The following MLLT3 variants were observed in gnomAD, a reference collection of about 807,000 sequenced individuals.
MLLT3 encodes protein AF-9.
Under a neutral mutation model 53.2 loss-of-function variants are expected in MLLT3, and 4 were observed. That is an observed-to-expected ratio of 0.08 (90% confidence interval 0.04 to 0.17). MLLT3 has a LOEUF of 0.17. MLLT3 is among the 10% of genes least tolerant of loss of function. MLLT3 has a pLI of 1.00. For missense variants in MLLT3, 569 were observed against 684.0 expected (o/e 0.83, Z 1.87); for synonymous variants, 283 against 230.6 (o/e 1.23, Z -2.06).
intron 4 of MLLT3, among the ~76,000 whole-genome samples, chr9:20,440,366 T>A (rs1344423737): frequency 1.3e-5 from 2 of 152,112 alleles, no homozygotes; most frequent in African/African-American, 4.8e-5. Flanking sequence ...CTACTTCGAG[T>A]CTCAGACATT....
intron 2 of MLLT3, among the ~76,000 whole-genome samples, chr9:20,594,573 C>A (rs1820205828): frequency 6.6e-6 from 1 of 151,964 alleles, no homozygotes; most frequent in African/African-American, 2.4e-5. Context: ...GGCTACATTC[C>A]CAGAAGATTA....
At chr9:20,367,476 C>T (rs965375787) in intron 5 of MLLT3, among the ~76,000 whole-genome samples, 1 of 152,162 alleles carries the variant, frequency 6.6e-6, no homozygotes, top group Admixed American at 6.5e-5. Flanking sequence ...AAAGACGGTA[C>T]ATTAGGCCCT....
At chr9:20,430,249 CCA>C (rs917685470) in intron 4 of MLLT3, among the ~76,000 whole-genome samples, 1 of 152,072 alleles carries the variant, frequency 6.6e-6, no homozygotes, top group Non-Finnish European at 1.5e-5. Context: ...TATTCTTCAA[CCA>C]CAGATTCAAT....
chr9:20,525,218 C>T (rs908595817), intron 2 of MLLT3, among the ~76,000 whole-genome samples: 12 of 152,000 alleles, frequency 7.9e-5, no homozygotes, highest in African/African-American at 2.7e-4. Flanking sequence ...AATTCAAGGC[C>T]GGGCACAGTG....
intron 4 of MLLT3, among the ~76,000 whole-genome samples, chr9:20,425,041 T>C (rs1016920571): frequency 3.3e-5 from 5 of 152,146 alleles, no homozygotes; most frequent in African/African-American, 1.2e-4. Flanking sequence ...CACAATGTTA[T>C]CAACCCTTAC....
chr9:20,515,607 TTTTTG>T lies in MLLT3; in HGVS notation c.194-58826_194-58822del, dbSNP rs549960460. On this transcript the variant is annotated intron_variant, in intron 2 of 10. Coordinates refer to ENST00000380338, the MANE Select transcript of MLLT3 (RefSeq NM_004529.4). ...TTTCTCCCCATACTCACCGTTTTGTTTTTTGTTTTGTTTTTTCTTTTTGGCAAAAT... is the reference window on the plus strand; with the variant it reads ...TTTCTCCCCATACTCACCGTTTTGTTTTTTGTTTTTTCTTTTTGGCAAAAT... 1.1e-4 allele frequency among the ~76,000 whole-genome samples: 17 copies of T among 152,266 alleles called. No homozygotes were observed. The South Asian group carries it at 3.3e-3, about 30-fold the overall frequency.
Position 20,474,559 on chromosome 9 carries a change from C to T in MLLT3, c.194-17773G>A, listed in dbSNP as rs187128111. On this transcript the variant is annotated intron_variant, in intron 2 of 10. Coordinates refer to ENST00000380338, the MANE Select transcript of MLLT3 (RefSeq NM_004529.4). ...ACCACCAAAAGACTCTGCCTTCATT[C>T]GGCGGAGACCCTGAGAGACACCCTT... 4.6e-5 allele frequency among the ~76,000 whole-genome samples: 7 copies of T among 152,168 alleles called. No individual in the cohort carries two copies. The East Asian group carries it at 1.2e-3, about 25-fold the overall frequency.
intron 5 of MLLT3, among the ~76,000 whole-genome samples, chr9:20,393,945 T>A (rs1481408853): frequency 2.6e-5 from 4 of 152,206 alleles, no homozygotes; most frequent in African/African-American, 9.7e-5. Context: ...AAGTACTTCA[T>A]CATTGATAAG....
chr9:20,525,080 A>G (rs1348135665), intron 2 of MLLT3, among the ~76,000 whole-genome samples: 1 of 150,598 alleles, frequency 6.6e-6, no homozygotes, highest in Non-Finnish European at 1.5e-5. Context: ...AAGGAAGGAG[A>G]CAGGGGAGAG....
At chr9:20,599,212 G>A (rs905266332) in intron 2 of MLLT3, among the ~76,000 whole-genome samples, 2 of 151,558 alleles carry the variant, frequency 1.3e-5, no homozygotes, top group Non-Finnish European at 2.9e-5. Flanking sequence ...GCTGAGACAG[G>A]AGAATCACTT....
chr9:20,422,464 A>G (rs977879669), intron 4 of MLLT3, among the ~76,000 whole-genome samples: 1 of 152,238 alleles, frequency 6.6e-6, no homozygotes, highest in African/African-American at 2.4e-5. Context: ...GATCTGTAAA[A>G]TAACCAATAT....
At chr9:20,612,745 A>G (rs1167554454) in intron 2 of MLLT3, among the ~76,000 whole-genome samples, 1 of 152,198 alleles carries the variant, frequency 6.6e-6, no homozygotes, top group Non-Finnish European at 1.5e-5. Context: ...AATGAAAACA[A>G]AAAGATACCA....
chr9:20,388,407 T>C (rs1207432628), intron 5 of MLLT3, among the ~76,000 whole-genome samples: 2 of 152,022 alleles, frequency 1.3e-5, no homozygotes, highest in Non-Finnish European at 2.9e-5. Context: ...GCTAACATGG[T>C]GAAACCCCGT....
intron 5 of MLLT3, among the ~76,000 whole-genome samples, chr9:20,388,602 A>G (rs1157378745): frequency 6.6e-6 from 1 of 152,124 alleles, no homozygotes; most frequent in African/African-American, 2.4e-5. Context: ...AAACAAAACT[A>G]TTCTCCAAAA....
intron 2 of MLLT3, among the ~76,000 whole-genome samples, chr9:20,474,041 C>G (rs1006255512): frequency 3.3e-5 from 5 of 152,070 alleles, no homozygotes; most frequent in African/African-American, 9.7e-5. Flanking sequence ...ACCAGCCTCT[C>G]GATACTCAGG....
chr9:20,447,483 T>C (rs1044145697), intron 4 of MLLT3, among the ~76,000 whole-genome samples: 8 of 152,206 alleles, frequency 5.3e-5, no homozygotes, highest in African/African-American at 1.9e-4. Flanking sequence ...TTTGTACAGC[T>C]GACCCAGCTT....
intron 5 of MLLT3, among the ~76,000 whole-genome samples, chr9:20,394,357 C>T (rs1586915931): frequency 6.6e-6 from 1 of 152,078 alleles, no homozygotes; most frequent in Non-Finnish European, 1.5e-5. Flanking sequence ...GAAGATGAGC[C>T]GCAGCTTTAA....
intron 2 of MLLT3, among the ~76,000 whole-genome samples, chr9:20,578,454 G>A (rs2131171510): frequency 6.6e-6 from 1 of 152,038 alleles, no homozygotes; most frequent in Middle Eastern, 3.4e-3. Context: ...GAGGTGGGAG[G>A]ACTGCTTAAA....
intron 2 of MLLT3, among the ~76,000 whole-genome samples, chr9:20,557,784 T>A (rs1405218898): frequency 6.6e-6 from 1 of 152,156 alleles, no homozygotes; most frequent in Non-Finnish European, 1.5e-5. Context: ...CTACCCTGTT[T>A]CAGAAACAGA....
Sources: allele counts gnomAD v4.1 joint callset (sites outside exome capture counted in the v4.1 genomes callset), GRCh38; gene constraint gnomAD v4.1.1; transcripts MANE v1.5; gene names NCBI Gene and HGNC (gene_info 2026-07-23, HGNC 2026-07-21).